KCNN3: variants seen among roughly 807,000 people sequenced by gnomAD.
KCNN3 encodes the protein potassium calcium-activated channel subfamily N member 3.
Under a neutral mutation model 62.9 loss-of-function variants are expected in KCNN3, and 16 were observed. The ratio of observed to expected loss-of-function variants is 0.25; its 90% CI spans 0.17 to 0.39. KCNN3 has a LOEUF of 0.39. KCNN3 is among the 10% of genes least tolerant of loss of function. The probability of loss-of-function intolerance (pLI) is 1.00; values close to 1 mark genes in which losing one functional copy is unlikely to be tolerated. For missense variants in KCNN3, 599 were observed against 949.4 expected, an observed-to-expected ratio of 0.63 and a Z score of 4.85; for synonymous variants, 370 against 389.2, an observed-to-expected ratio of 0.95 and a Z score of 0.58.
chr1:154,806,494 G>A (rs1179594558), intron 2 of KCNN3, among the ~76,000 whole-genome samples: 2 of 152,254 alleles, frequency 1.3e-5, no homozygotes, highest in Admixed American at 6.5e-5. Context: ...GGGAAATTCA[G>A]TGATTTGCCC....
intron 1 of KCNN3, among the ~76,000 whole-genome samples, chr1:154,837,162 A>C (rs573260417): frequency 6.6e-6 from 1 of 151,578 alleles, no homozygotes; most frequent in East Asian, 1.9e-4. Flanking sequence ...GCAGTGGCAC[A>C]ATCTCAGCTC....
intron 2 of KCNN3, among the ~76,000 whole-genome samples, chr1:154,808,438 G>A (rs1650268913): frequency 6.6e-6 from 1 of 152,154 alleles, no homozygotes; most frequent in Non-Finnish European, 1.5e-5. Flanking sequence ...GCCCTGCACA[G>A]CAGCGTCCTC....
At chr1:154,820,135 G>A (rs1312581289) in intron 2 of KCNN3, among the ~76,000 whole-genome samples, 2 of 152,232 alleles carry the variant, frequency 1.3e-5, no homozygotes, top group Non-Finnish European at 2.9e-5. Context: ...GGGACAATGG[G>A]TACCCAGCCA....
chr1:154,724,926 G>C (rs1166118338), intron 5 of KCNN3, among the ~76,000 whole-genome samples: 1 of 150,950 alleles, frequency 6.6e-6, no homozygotes, highest in African/African-American at 2.4e-5. Context: ...GCGCGATCTC[G>C]GTTCACTGCA....
In KCNN3 at chr1:154,772,446, A is replaced by G. The variant is rs1648604446; in HGVS notation, c.1030-53T>C. 1.9e-6 allele frequency: 3 copies of G among 1,591,882 alleles called. No homozygotes were observed. Among genetic ancestry groups the G allele is most frequent in the African/African-American group, 2.7e-5 (2 of 74,548 alleles). On this transcript the variant is annotated intron_variant, in intron 2 of 7. Coordinates refer to ENST00000271915, the MANE Select transcript of KCNN3 (RefSeq NM_002249.6). The surrounding 1 kb of genome is among the most constrained non-coding windows in gnomAD (Gnocchi z 5.6). Reference sequence around the variant, plus strand: ...TGGCCAGGACCAGGAAGCCCACAGCAGGGTCCAGGCAGGACAGGTGGGGCA... The same window carrying G: ...TGGCCAGGACCAGGAAGCCCACAGCGGGGTCCAGGCAGGACAGGTGGGGCA...
intron 1 of KCNN3, among the ~76,000 whole-genome samples, chr1:154,846,537 G>A (rs975563751): frequency 2.6e-5 from 4 of 152,138 alleles, no homozygotes; most frequent in African/African-American, 9.7e-5. Context: ...CAGACTTTTT[G>A]TTGGCTTTAT....
At chr1:154,802,479 C>T (rs995833542) in intron 2 of KCNN3, among the ~76,000 whole-genome samples, 5 of 152,140 alleles carry the variant, frequency 3.3e-5, no homozygotes, top group Admixed American at 6.5e-5. Flanking sequence ...AGGGGCAGGG[C>T]CCAGGAAGTA....
intron 2 of KCNN3, among the ~76,000 whole-genome samples, chr1:154,802,279 G>A (rs1649991157): frequency 6.6e-6 from 1 of 152,230 alleles, no homozygotes; most frequent in Non-Finnish European, 1.5e-5. Flanking sequence ...AAGACAAATG[G>A]TTGATGTGGG....
intron 1 of KCNN3, chr1:154,859,767 G>T: frequency 6.2e-7 from 1 of 1,614,162 alleles, no homozygotes; most frequent in Non-Finnish European, 8.5e-7. Context: ...CGCGTGGCAG[G>T]CCTGGTATCA....
At chr1:154,825,560 G>A (rs1383085319) in intron 1 of KCNN3, among the ~76,000 whole-genome samples, 1 of 151,292 alleles carries the variant, frequency 6.6e-6, no homozygotes, top group Non-Finnish European at 1.5e-5. Flanking sequence ...TAGAGATGGG[G>A]TTTCACCGTG....
At chr1:154,721,096 G>A (rs1557941592) in intron 5 of KCNN3, among the ~76,000 whole-genome samples, 2 of 152,122 alleles carry the variant, frequency 1.3e-5, no homozygotes, top group Non-Finnish European at 2.9e-5. Flanking sequence ...ATGGGGAAGT[G>A]TACTTGGGTG....
At chr1:154,770,571 A>G (rs1648504013) in intron 3 of KCNN3, among the ~76,000 whole-genome samples, 1 of 152,056 alleles carries the variant, frequency 6.6e-6, no homozygotes, top group Non-Finnish European at 1.5e-5. Context: ...GCTTCACCAT[A>G]CCTCCCAACA....
At chr1:154,779,492 C>A (rs78080254) in intron 2 of KCNN3, among the ~76,000 whole-genome samples, 2,130 of 152,294 alleles carry the variant, frequency 0.014, 48 homozygotes, top group African/African-American at 0.049. Flanking sequence ...GCCATTCCCC[C>A]ATCCCCACTC....
chr1:154,752,733 T>A (rs1053478557), intron 3 of KCNN3, among the ~76,000 whole-genome samples: 6 of 152,170 alleles, frequency 3.9e-5, no homozygotes, highest in Admixed American at 1.3e-4. Context: ...CACACAGACA[T>A]GCCCCCTGCT....
At chr1:154,770,309 C>T (rs1012254946) in intron 3 of KCNN3, among the ~76,000 whole-genome samples, 6 of 152,348 alleles carry the variant, frequency 3.9e-5, no homozygotes, top group East Asian at 1.9e-4. Flanking sequence ...CAGCAGAATG[C>T]CCTCTCAGTT....
At position 154,814,128 on chromosome 1, in the gene KCNN3, G is replaced by A. The variant is rs535755332; in HGVS notation, c.1029+7961C>T. On this transcript the variant is annotated intron_variant, in intron 2 of 7. Transcript: ENST00000271915. ...CTCACTGGGCAACCTGCTGGGACCC[G>A]CAGCCCCTTAGGATGCAGAAAGCAC... Among the ~76,000 whole-genome samples, 5 of 152,350 alleles carry A rather than the reference G, an allele frequency of 3.3e-5. No individual in the cohort carries two copies. The East Asian group carries it at 5.8e-4, about 18-fold the overall frequency.
In KCNN3 at chr1:154,809,557, C is replaced by T. The variant is rs1417818721; in HGVS notation, c.1029+12532G>A. Reference sequence around the variant, plus strand: ...CTCCCAGATTTGACTTCTGGTTCGACATTTGTATCAATGGTTTAGATGAAG... The same window carrying T: ...CTCCCAGATTTGACTTCTGGTTCGATATTTGTATCAATGGTTTAGATGAAG... On this transcript the variant is annotated intron_variant, in intron 2 of 7. Transcript: ENST00000271915. This position sits in a 1 kb window ranked among gnomAD's most constrained non-coding sequence, Gnocchi z 4.3. Among the ~76,000 whole-genome samples the T allele has an allele frequency of 6.6e-6, 1 of 152,232 alleles. No homozygotes were observed.
intron 5 of KCNN3, among the ~76,000 whole-genome samples, chr1:154,717,926 A>G (rs1490059326): frequency 6.6e-6 from 1 of 152,112 alleles, no homozygotes; most frequent in African/African-American, 2.4e-5. Flanking sequence ...TGATTGATCT[A>G]AGCATTGTTG....
At chr1:154,840,956 C>G (rs1045443011) in intron 1 of KCNN3, among the ~76,000 whole-genome samples, 2 of 152,236 alleles carry the variant, frequency 1.3e-5, no homozygotes, top group Non-Finnish European at 2.9e-5. Context: ...CTCCCAGAAG[C>G]CTTTGTGGGA....
Sources: allele counts gnomAD v4.1 joint callset (sites outside exome capture counted in the v4.1 genomes callset), GRCh38; gene constraint gnomAD v4.1.1; non-coding constraint Gnocchi (gnomAD v3.1); transcripts MANE v1.5; gene names NCBI Gene and HGNC (gene_info 2026-07-23, HGNC 2026-07-21).